SDK2: variants seen among roughly 807,000 people sequenced by gnomAD.
SDK2 encodes sidekick cell adhesion molecule 2.
In SDK2, 105 loss-of-function variants were observed where a neutral mutation model predicts 253.9. The ratio of observed to expected loss-of-function variants is 0.41; its 90% CI spans 0.35 to 0.49. SDK2 has a LOEUF of 0.49. Ranked by LOEUF, SDK2 falls within the 20% of genes least tolerant of loss-of-function variation. SDK2 has a pLI of 0.06. For synonymous variants in SDK2, 1,249 were observed against 1,234.9 expected, an observed-to-expected ratio of 1.01 and a Z score of -0.24; for missense variants, 2,608 against 3,003.0, an observed-to-expected ratio of 0.87 and a Z score of 3.07.
chr17:73,430,663 G>A, intron 11 of SDK2, 50 bp from the exon 12 acceptor site: 1 of 1,278,456 alleles, frequency 7.8e-7, no homozygotes. Context: ...TGGGGGCTGT[G>A]TGGCTGGACT....
rs565563809 is a variant in SDK2, at chr17:73,475,795, G to A, written c.225-3577C>T. Among the ~76,000 whole-genome samples, 83 of 152,354 alleles carry A rather than the reference G, an allele frequency of 5.4e-4. 1 individual carries two copies. Among genetic ancestry groups the A allele is most frequent in the African/African-American group, 1.9e-3 (78 of 41,588 alleles). ...TGATAATATATTCTTATCGGTTGCTGTTCATTGATACAGGCTACCAAACCC... is the reference window on the plus strand; with the variant it reads ...TGATAATATATTCTTATCGGTTGCTATTCATTGATACAGGCTACCAAACCC... On this transcript the variant is annotated intron_variant, in intron 2 of 44. Transcript: ENST00000392650.
chr17:73,414,979 C>A (rs2063168753), intron 17 of SDK2, among the ~76,000 whole-genome samples: 1 of 152,184 alleles, frequency 6.6e-6, no homozygotes, highest in African/African-American at 2.4e-5. Context: ...TCACAGGGTA[C>A]TGGTAAATAA....
chr17:73,604,917 T>C (rs868125756), intron 1 of SDK2, among the ~76,000 whole-genome samples: 7 of 152,178 alleles, frequency 4.6e-5, no homozygotes, highest in Middle Eastern at 3.4e-3. Context: ...CTGGCACATA[T>C]GCACATTTAG....
intron 5 of SDK2, among the ~76,000 whole-genome samples, chr17:73,445,523 T>C (rs112339500): frequency 2.0e-4 from 30 of 152,306 alleles, no homozygotes; most frequent in African/African-American, 7.2e-4. Flanking sequence ...TCTCTGGTTC[T>C]GAAGAGCATA....
chr17:73,410,255 C>G (rs2063114547), intron 18 of SDK2, among the ~76,000 whole-genome samples: 1 of 152,182 alleles, frequency 6.6e-6, no homozygotes, highest in Non-Finnish European at 1.5e-5. Context: ...TAACTTCCCT[C>G]TGGTGCCTCA....
chr17:73,464,563 G>A (rs2063584825), intron 3 of SDK2, among the ~76,000 whole-genome samples: 1 of 152,220 alleles, frequency 6.6e-6, no homozygotes, highest in African/African-American at 2.4e-5. Flanking sequence ...CTGTCCCCAA[G>A]TTCTCTCCTT....
chr17:73,397,013 A>G (rs16977621), intron 24 of SDK2, among the ~76,000 whole-genome samples: 3,348 of 152,358 alleles, frequency 0.022, 111 homozygotes, highest in African/African-American at 0.075. Flanking sequence ...GTCCGCGCAC[A>G]GGAACGGCAA....
intron 1 of SDK2, among the ~76,000 whole-genome samples, chr17:73,558,053 C>T (rs2045171666): frequency 6.6e-6 from 1 of 152,256 alleles, no homozygotes; most frequent in Non-Finnish European, 1.5e-5. Flanking sequence ...TTTGTCCTGC[C>T]CCATCCCCAA....
rs1014958386 is a variant in SDK2, at chr17:73,609,988, C to G, written c.64+34037G>C. ...GGCAGCTGCACGGGAAACAGGTGTC[C>G]TGCTGAACAAGATGGAAGCAGGGTC... is the stretch of plus-strand genomic sequence containing the variant. On this transcript the variant is annotated intron_variant, in intron 1 of 44. Coordinates refer to ENST00000392650, the MANE Select transcript of SDK2 (RefSeq NM_001144952.2). This position sits in a 1 kb window ranked among gnomAD's most constrained non-coding sequence, Gnocchi z 4.4. Among the ~76,000 whole-genome samples, 1 of 152,212 alleles carries G rather than the reference C, an allele frequency of 6.6e-6. No homozygotes were observed. The highest frequency in any genetic ancestry group is 2.4e-5 in the African/African-American group (1 of 41,460).
Position 73,467,896 on chromosome 17 carries a change from AG to A in SDK2, c.331+4215del, listed in dbSNP as rs144409284. Among the ~76,000 whole-genome samples the A allele has an allele frequency of 2.0e-5, 3 of 152,154 alleles. No homozygotes were observed. Among genetic ancestry groups the A allele is most frequent in the Non-Finnish European group, 2.9e-5 (2 of 68,014 alleles). ...TTTCAGGGAGCTGCAGCTGGTGGACAGGGGGAGGTTAACCTGGGTCTCTCTC... is the reference window on the plus strand; with the variant it reads ...TTTCAGGGAGCTGCAGCTGGTGGACAGGGGAGGTTAACCTGGGTCTCTCTC... On this transcript the variant is annotated intron_variant, in intron 3 of 44. Transcript: ENST00000392650. The surrounding 1 kb of genome is among the most constrained non-coding windows in gnomAD (Gnocchi z 4.1).
intron 44 of SDK2, among the ~76,000 whole-genome samples, chr17:73,339,225 TTTTGTTTTTG>T (rs1440173134): frequency 5.6e-5 from 8 of 142,020 alleles, no homozygotes; most frequent in Non-Finnish European, 6.3e-5. Flanking sequence ...TTTTTTTTGT[TTTTGTTTTTG>T]TTTTTTTTTT....
intron 1 of SDK2, among the ~76,000 whole-genome samples, chr17:73,536,891 C>G (rs943681202): frequency 4.6e-5 from 7 of 152,196 alleles, no homozygotes; most frequent in Non-Finnish European, 1.5e-5. Context: ...AGTAACTAAT[C>G]CCCCTAATGG....
intron 44 of SDK2, among the ~76,000 whole-genome samples, chr17:73,345,523 G>A (rs758348843): frequency 3.3e-5 from 5 of 152,194 alleles, no homozygotes; most frequent in Admixed American, 2.0e-4. Flanking sequence ...CCTATATAGC[G>A]TCTGATTCCA....
rs1555756015 is a variant in SDK2 at position 73,383,682 on chromosome 17, CG to C, written c.4705+193del. The stretch of plus-strand genomic sequence containing the variant: ...ATCATTGGTGTGCCCCACAGTGACT[CG>C]GGGCCCATAGAAGGTGCTCAGTAAA... On this transcript the variant is annotated intron_variant, in intron 33 of 44. Transcript: ENST00000392650. The surrounding 1 kb of genome is among the most constrained non-coding windows in gnomAD (Gnocchi z 4.3). Among the ~76,000 whole-genome samples, 2 of 152,142 alleles carry C rather than the reference CG, an allele frequency of 1.3e-5. No individual in the cohort carries two copies. Among genetic ancestry groups the C allele is most frequent in the Non-Finnish European group, 2.9e-5 (2 of 68,032 alleles).
chr17:73,508,842 C>T (rs1282736804), intron 1 of SDK2, among the ~76,000 whole-genome samples: 4 of 152,188 alleles, frequency 2.6e-5, no homozygotes, highest in Non-Finnish European at 4.4e-5. Context: ...CAGGGAAGAA[C>T]CTGCAGATGC....
chr17:73,630,935 G>C lies in SDK2; in HGVS notation c.64+13090C>G, dbSNP rs570291300. Among the ~76,000 whole-genome samples the C allele has an allele frequency of 3.3e-5, 5 of 152,116 alleles. No individual in the cohort carries two copies. In the South Asian group the frequency reaches 8.3e-4, roughly 25 times the overall value. On this transcript the variant is annotated intron_variant, in intron 1 of 44. Coordinates refer to ENST00000392650, the MANE Select transcript of SDK2 (RefSeq NM_001144952.2). ...TCTTGGTGGTTTCCAGCACTTTCTA[G>C]GTTCTTCGTCCACCAGGGCCTGAGG...
At chr17:73,504,014 C>G (rs1332630282) in intron 2 of SDK2, among the ~76,000 whole-genome samples, 2 of 152,132 alleles carry the variant, frequency 1.3e-5, no homozygotes, top group African/African-American at 4.8e-5. Flanking sequence ...ATATCAAGCT[C>G]TTGGTCTAAG....
Position 73,402,078 on chromosome 17 carries a change from G to A in SDK2, c.2548C>T (p.Gln850Ter). 6.2e-7 allele frequency: 1 copy of A among 1,614,052 alleles called. No homozygotes were observed. Among genetic ancestry groups the A allele is most frequent in the Non-Finnish European group, 8.5e-7 (1 of 1,179,896 alleles). ...VTMVTARPNF[Q>*]DSIHVGFVSG... ...ACGAAGCCCACGTGGATGCTGTCTT[G>A]AAAGTTAGGCCGGGCGGTCACCATG... is the stretch of plus-strand genomic sequence containing the variant. Residue 850 changes from glutamine to a stop codon, truncating the protein, a stop_gained, in exon 19 of 45, where the codon CAA becomes TAA. Transcript: ENST00000392650. LOFTEE classifies it high-confidence loss of function.
chr17:73,399,797 C>T (rs1434403609), intron 21 of SDK2, among the ~76,000 whole-genome samples: 1 of 152,112 alleles, frequency 6.6e-6, no homozygotes, highest in Non-Finnish European at 1.5e-5. Flanking sequence ...TCTTGGAGCT[C>T]AGGAACAACA....
Sources: allele counts gnomAD v4.1 joint callset (sites outside exome capture counted in the v4.1 genomes callset), GRCh38; gene constraint gnomAD v4.1.1; non-coding constraint Gnocchi (gnomAD v3.1); transcripts MANE v1.5; gene names NCBI Gene and HGNC (gene_info 2026-07-23, HGNC 2026-07-21).